The following EVC variants were observed in gnomAD, a reference collection of about 807,000 sequenced individuals.
EVC encodes the protein evC complex member EVC.
EVC carries 116 observed loss-of-function variants against 118.9 expected under a neutral mutation model. The observed-to-expected ratio is 0.98, with a 90% CI of 0.84 to 1.14. The LOEUF is 1.14. Among genes scored for constraint, EVC ranks in the 50% most tolerant of loss-of-function variants. EVC has a pLI of 0.00. For missense variants in EVC, 1,401 were observed against 1,246.4 expected, an observed-to-expected ratio of 1.12 and a Z score of -1.87; for synonymous variants, 619 against 534.7, an observed-to-expected ratio of 1.16 and a Z score of -2.18.
Position 5,738,432 on chromosome 4 carries a change from G to A in EVC, c.703-3284G>A, listed in dbSNP as rs1383792465. Among the ~76,000 whole-genome samples the A allele has an allele frequency of 2.0e-5, 3 of 152,080 alleles. No homozygotes were observed. Among genetic ancestry groups the A allele is most frequent in the Admixed American group, 6.6e-5 (1 of 15,262 alleles). On this transcript the variant is annotated intron_variant, in intron 5 of 20. Transcript: ENST00000264956. The surrounding 1 kb of genome is among the most constrained non-coding windows in gnomAD (Gnocchi z 6.5). ...GGGCAAATTGCTATCGAATAGCATGGCACGCTGCAGAGAAATCTTTTGTGA... is the reference window on the plus strand; with the variant it reads ...GGGCAAATTGCTATCGAATAGCATGACACGCTGCAGAGAAATCTTTTGTGA...
In EVC at chr4:5,731,226, CT is replaced by C. The variant is rs1479762786; in HGVS notation, c.385-198del. The stretch of plus-strand genomic sequence containing the variant: ...GGCTGGCCTTGTGAGGACAAGTGAA[CT>C]GTGATTCGGGCCTCTGGGCTGTCGA... On this transcript the variant is annotated intron_variant, in intron 3 of 20. Transcript: ENST00000264956. This position sits in a 1 kb window ranked among gnomAD's most constrained non-coding sequence, Gnocchi z 5.6. Among the ~76,000 whole-genome samples, 1 of 152,012 alleles carries C rather than the reference CT, an allele frequency of 6.6e-6. No homozygotes were observed. The highest frequency in any genetic ancestry group is 1.5e-5 in the Non-Finnish European group (1 of 68,002).
chr4:5,711,494 C>T lies in EVC; in HGVS notation c.114C>T (p.Leu38=), dbSNP rs1167442380. Residue 38 remains leucine, a synonymous_variant, in exon 1 of 21, where the codon CTC becomes CTT. Transcript: ENST00000264956. ...LAPAVLLGAA[L]GLGLGLWLGC... is the part of the protein sequence containing the mutation. ...CCGCCGTGCTGCTGGGCGCCGCGCT[C>T]GGCCTCGGCCTCGGCCTTTGGCTTG... The T allele has an allele frequency of 2.7e-6, 3 of 1,128,142 alleles. No homozygotes were observed. Among genetic ancestry groups the T allele is most frequent in the East Asian group, 4.5e-5 (1 of 22,102 alleles). 69.9% of individuals were successfully genotyped at this position (1,128,142 alleles called of 1,614,324 possible).
chr4:5,739,828 G>A (rs1279224624), intron 5 of EVC, among the ~76,000 whole-genome samples: 1 of 151,216 alleles, frequency 6.6e-6, no homozygotes, highest in Non-Finnish European at 1.5e-5. Context: ...CACTTTGGGA[G>A]GTGGAGGCAG....
rs187530011 is a variant in EVC at position 5,786,689 on chromosome 4, T to G, written c.1776+2925T>G. ...GAGATCGAGACCATCCTGGCTAACA[T>G]GGTGAAACCCCGTCTCTACTAAAAA... On this transcript the variant is annotated intron_variant, in intron 12 of 20. Transcript: ENST00000264956. Among the ~76,000 whole-genome samples, 549 of 152,210 alleles carry G rather than the reference T, an allele frequency of 3.6e-3. 2 individuals are homozygous for G. The highest frequency in any genetic ancestry group is 0.011 in the African/African-American group (472 of 41,532).
chr4:5,772,158 A>G (rs536083980), intron 11 of EVC, among the ~76,000 whole-genome samples: 17 of 152,254 alleles, frequency 1.1e-4, no homozygotes, highest in Non-Finnish European at 2.4e-4. Context: ...GGCATCCCAC[A>G]GTGCTGGGAT....
chr4:5,755,565 G>A lies in EVC; in HGVS notation c.1465-699G>A, dbSNP rs929850583. On this transcript the variant is annotated intron_variant, in intron 10 of 20. Transcript: ENST00000264956. The surrounding 1 kb of genome is among the most constrained non-coding windows in gnomAD (Gnocchi z 4.1). ...GTAGCATCACCAAAGATCTTAGGGG[G>A]TTTACCTCCTGGTCTCTGCTGCTGC... Among the ~76,000 whole-genome samples the A allele has an allele frequency of 1.3e-5, 2 of 152,088 alleles. No individual in the cohort carries two copies. The highest frequency in any genetic ancestry group is 2.4e-5 in the African/African-American group (1 of 41,408).
intron 7 of EVC, 47 bp from the exon 8 acceptor site, chr4:5,748,101 A>G (rs1288338607): frequency 6.2e-7 from 1 of 1,607,756 alleles, no homozygotes; most frequent in East Asian, 2.2e-5. Context: ...TGGCTTTCTT[A>G]AGTAAGTTTT....
At chr4:5,733,534 A>T in intron 5 of EVC, 99 bp downstream of exon 5, 2 of 1,051,478 alleles carry the variant, frequency 1.9e-6, no homozygotes, top group Non-Finnish European at 2.9e-6. Context: ...TGAGAGGCAG[A>T]CATCAGTGGA....
chr4:5,810,938 C>G lies in EVC; in HGVS notation c.2895-15C>G. ...GTCAGCGTTCTAACTGGCTGCCTTT[C>G]TTCTCTGTTTTAAGCAGCAAAAGGC... On this transcript the variant is annotated splice_polypyrimidine_tract_variant and intron_variant, in intron 20 of 20. Transcript: ENST00000264956. 2 of 1,608,520 alleles carry G rather than the reference C, an allele frequency of 1.2e-6. No individual in the cohort carries two copies. Among genetic ancestry groups the G allele is most frequent in the Non-Finnish European group, 1.7e-6 (2 of 1,177,174 alleles).
chr4:5,824,837 G>C, the EVC span: 1 of 985,230 alleles, frequency 1.0e-6, no homozygotes, highest in Non-Finnish European at 1.2e-6. Flanking sequence ...CAACGTGTGC[G>C]TGCCTGCCCT....
intron 11 of EVC, among the ~76,000 whole-genome samples, chr4:5,758,745 G>T (rs1459422101): frequency 2.6e-5 from 4 of 152,186 alleles, no homozygotes; most frequent in African/African-American, 9.7e-5. Flanking sequence ...TTAAAATAAA[G>T]GCTTTCTAAT....
intron 6 of EVC, 82 bp from the exon 7 acceptor site, chr4:5,745,122 A>C: frequency 7.2e-7 from 1 of 1,384,096 alleles, no homozygotes; most frequent in Non-Finnish European, 1.0e-6. Flanking sequence ...TTGAAAAATA[A>C]AAGCATTTAT....
chr4:5,772,593 C>T (rs980226065), intron 11 of EVC, among the ~76,000 whole-genome samples: 4 of 152,076 alleles, frequency 2.6e-5, no homozygotes, highest in Admixed American at 2.6e-4. Context: ...TCCACGAGGC[C>T]CATCCAGCCT....
chr4:5,779,510 A>C (rs1400329932), intron 11 of EVC, among the ~76,000 whole-genome samples: 1 of 148,540 alleles, frequency 6.7e-6, no homozygotes, highest in Admixed American at 6.7e-5. Context: ...ATCCTCTTTT[A>C]TTTCATTGAG....
At chr4:5,768,586 G>C (rs992089862) in intron 11 of EVC, among the ~76,000 whole-genome samples, 10 of 152,154 alleles carry the variant, frequency 6.6e-5, no homozygotes, top group African/African-American at 2.4e-4. Context: ...GCTGGGCACA[G>C]TGGCTCACAC....
intron 1 of EVC, among the ~76,000 whole-genome samples, chr4:5,716,422 G>C (rs1326594164): frequency 6.6e-6 from 1 of 152,156 alleles, no homozygotes; most frequent in South Asian, 2.1e-4. Context: ...TAAAATGTAG[G>C]TTCGGCAGAA....
rs754706204 is a variant in EVC at position 5,719,307 on chromosome 4, A to G, written c.234A>G (p.Glu78=). ...AGTCTAATGCGCAGACCCCCTCGGA[A>G]ACTGGCTCCCCATCAAGGAGGAGGA... ...NLESNAQTPS[E]TGSPSRRRKR... The change falls in exon 2 of 21, where the codon GAA becomes GAG. Residue 78 remains glutamate, a synonymous_variant. Transcript: ENST00000264956. The surrounding 1 kb of genome is among the most constrained non-coding windows in gnomAD (Gnocchi z 4.7). 12 of 1,614,074 alleles carry G rather than the reference A, an allele frequency of 7.4e-6. No individual in the cohort carries two copies. Among genetic ancestry groups the G allele is most frequent in the Non-Finnish European group, 1.0e-5 (12 of 1,180,036 alleles).
Position 5,813,018 on chromosome 4 carries a change from A to G in EVC, c.*1981A>G, listed in dbSNP as rs886059516. 1 of 152,230 alleles carries G rather than the reference A, an allele frequency of 6.6e-6. No homozygotes were observed. The highest frequency in any genetic ancestry group is 1.9e-4 in the East Asian group (1 of 5,184). 9.4% of individuals were successfully genotyped at this position (152,230 alleles called of 1,614,324 possible). On this transcript the variant is annotated 3_prime_UTR_variant, in exon 21 of 21. Coordinates refer to ENST00000264956, the MANE Select transcript of EVC (RefSeq NM_153717.3). ...GACTTTTCATTTCTTAAAACCTGAA[A>G]TAGACTCTCTTAGAAACAAGTGACT...
chr4:5,797,253 C>A (rs1287321243), intron 14 of EVC, 21 bp downstream of exon 14: 2 of 1,579,218 alleles, frequency 1.3e-6, no homozygotes, highest in African/African-American at 2.7e-5. Context: ...CATGGTGGCC[C>A]CACCCATTCC....
Sources: allele counts gnomAD v4.1 joint callset (sites outside exome capture counted in the v4.1 genomes callset), GRCh38; gene constraint gnomAD v4.1.1; non-coding constraint Gnocchi (gnomAD v3.1); transcripts MANE v1.5; gene names NCBI Gene and HGNC (gene_info 2026-07-23, HGNC 2026-07-21).